Variants in AMPD3 observed in about 807,000 individuals in gnomAD.
The protein encoded by AMPD3 is adenosine monophosphate deaminase 3.
In AMPD3, 57 loss-of-function variants were observed where a neutral mutation model predicts 82.3. That is an observed-to-expected ratio of 0.69 (90% CI 0.56 to 0.86). The LOEUF (loss-of-function observed/expected upper bound fraction) is 0.86, where lower values mean the gene tolerates loss of function less well. Ranked by LOEUF, AMPD3 falls within the 40% of genes least tolerant of loss-of-function variation. The probability of loss-of-function intolerance (pLI) is 0.00; values close to 1 mark genes in which losing one functional copy is unlikely to be tolerated. For synonymous variants in AMPD3, 381 were observed against 394.7 expected, an observed-to-expected ratio of 0.97 and a Z score of 0.41; for missense variants, 870 against 1,003.8, an observed-to-expected ratio of 0.87 and a Z score of 1.80.
intron 2 of AMPD3, 32 bp from the exon 3 acceptor site, chr11:10,478,494 G>A (rs1190523610): frequency 3.1e-6 from 5 of 1,612,988 alleles, no homozygotes; most frequent in South Asian, 1.1e-5. Context: ...AGCTTCTGAT[G>A]TCTCCCACTT....
upstream of AMPD3, chr11:10,450,798 C>T (rs991664271): frequency 4.2e-6 from 5 of 1,178,456 alleles, no homozygotes; most frequent in Non-Finnish European, 5.2e-6. Flanking sequence ...CGCGGCTGGC[C>T]GGCTTCCTCC....
At chr11:10,476,465 GT>G (rs34375327) in intron 2 of AMPD3, among the ~76,000 whole-genome samples, 9 of 145,634 alleles carry the variant, frequency 6.2e-5, no homozygotes, top group Admixed American at 1.4e-4. Flanking sequence ...GGGCTGTAGT[GT>G]TTTTTTTTTT....
chr11:10,471,256 C>T (rs187143733), intron 2 of AMPD3, among the ~76,000 whole-genome samples: 289 of 151,920 alleles, frequency 1.9e-3, no homozygotes, highest in Middle Eastern at 3.4e-3. Context: ...AACTGGCTAG[C>T]CATATGCAAA....
At chr11:10,450,480 G>A, upstream of AMPD3, 1 of 985,690 alleles carries the variant, frequency 1.0e-6, no homozygotes, top group South Asian at 4.7e-5. Flanking sequence ...AGAGTCTCGC[G>A]CTGGGAAAAG....
rs1284029546 is a variant in AMPD3 at position 10,485,023 on chromosome 11, A to G, written c.793A>G (p.Ile265Val). 1 of 1,613,586 alleles carries G rather than the reference A, an allele frequency of 6.2e-7. No individual in the cohort carries two copies. The highest frequency in any genetic ancestry group is 2.2e-5 in the East Asian group (1 of 44,876). Residue 265 changes from isoleucine to valine, a missense_variant, in exon 5 of 15, where the codon ATC becomes GTC. Transcript: ENST00000396553. ...GGACATGAGCCACATCCTGGCTCTC[A>G]TCACCGATGGCCCCACGTAAGCTAG... ...TVDMSHILAL[I>V]TDGPTKTYCH...
At chr11:10,490,726 G>A (rs1849216343) in intron 6 of AMPD3, 6 of 869,414 alleles carry the variant, frequency 6.9e-6, no homozygotes, top group Non-Finnish European at 8.3e-6. Flanking sequence ...TGTGTCATTG[G>A]TAAGCCAGAG....
In AMPD3 at chr11:10,500,132, A is replaced by G; in HGVS notation, c.1604A>G (p.His535Arg). The G allele has an allele frequency of 6.2e-7, 1 of 1,614,174 alleles. No individual in the cohort carries two copies. Among genetic ancestry groups the G allele is most frequent in the Non-Finnish European group, 8.5e-7 (1 of 1,180,028 alleles). ...GATGATGAGTCCAAGCACAGCGACC[A>G]CATGTTTTCCGACAAGAGCCCAAAC... is the stretch of plus-strand genomic sequence containing the variant. Reference protein sequence around the residue: ...SVDDESKHSDHMFSDKSPNPD... With the variant: ...SVDDESKHSDRMFSDKSPNPD... Residue 535 changes from histidine (H) to arginine (R), a missense_variant, in exon 11 of 15, where the codon CAC becomes CGC. Coordinates refer to ENST00000396553, the MANE Select transcript of AMPD3 (RefSeq NM_001025389.2).
chr11:10,451,491 C>T (rs1564835101), upstream of AMPD3, among the ~76,000 whole-genome samples: 1 of 152,196 alleles, frequency 6.6e-6, no homozygotes, highest in Non-Finnish European at 1.5e-5. Flanking sequence ...GGCTCTCTCC[C>T]GGCAAGGGAG....
Position 10,492,216 on chromosome 11 carries a change from C to T in AMPD3, c.940-1133C>T, listed in dbSNP as rs114343351. On this transcript the variant is annotated intron_variant, in intron 6 of 14. Transcript: ENST00000396553. ...TGCCTTCTGCAAAAAACTGCCTTTC[C>T]CTGGAATGTGGGGAGAAGTCTAAGC... Among the ~76,000 whole-genome samples, 1,254 of 152,328 alleles carry T rather than the reference C, an allele frequency of 8.2e-3. 19 individuals are homozygous for T. Among genetic ancestry groups the T allele is most frequent in the African/African-American group, 0.028 (1,178 of 41,578 alleles).
At chr11:10,488,506 T>C (rs1398478141) in intron 6 of AMPD3, 1 of 823,594 alleles carries the variant, frequency 1.2e-6, no homozygotes, top group Non-Finnish European at 1.5e-6. Context: ...TTGACATAAC[T>C]GCAAGCAGTG....
chr11:10,456,312 C>G lies in AMPD3; in HGVS notation c.-6+864C>G. On this transcript the variant is annotated intron_variant, in intron 1 of 14. Coordinates refer to ENST00000396553, the MANE Select transcript of AMPD3 (RefSeq NM_001025389.2). The surrounding 1 kb of genome is among the most constrained non-coding windows in gnomAD (Gnocchi z 4.3). ...CCAGCCAGCTGCACGCACGCACTGA[C>G]TCAGCTGAGCCTCCTGGGTGGCAGG... The G allele has an allele frequency of 6.2e-7, 1 of 1,609,430 alleles. No homozygotes were observed. The highest frequency in any genetic ancestry group is 8.5e-7 in the Non-Finnish European group (1 of 1,176,816).
Position 10,500,266 on chromosome 11 carries a change from C to G in AMPD3, c.1721+17C>G. ...CCTCCGCAGGTGCGTGAGGCCTGCCCTCGCACATGCTTGGGTTCATGTGTT... is the reference window on the plus strand; with the variant it reads ...CCTCCGCAGGTGCGTGAGGCCTGCCGTCGCACATGCTTGGGTTCATGTGTT... On this transcript the variant is annotated intron_variant, in intron 11 of 14. Coordinates refer to ENST00000396553, the MANE Select transcript of AMPD3 (RefSeq NM_001025389.2). 3 of 1,614,060 alleles carry G rather than the reference C, an allele frequency of 1.9e-6. No homozygotes were observed. Among genetic ancestry groups the G allele is most frequent in the Non-Finnish European group, 2.5e-6 (3 of 1,179,890 alleles).
In AMPD3 at chr11:10,488,062, C is replaced by T. The variant is rs1025050598; in HGVS notation, c.939+698C>T. ...TGGGAGTTTGTGGTTTTGCATCCTT[C>T]GGGATCATGTGGATTTAAAGAAAAG... is the stretch of plus-strand genomic sequence containing the variant. On this transcript the variant is annotated intron_variant, in intron 6 of 14. Coordinates refer to ENST00000396553, the MANE Select transcript of AMPD3 (RefSeq NM_001025389.2). 2.1e-4 allele frequency among the ~76,000 whole-genome samples: 32 copies of T among 152,096 alleles called. 1 individual carries two copies. Among genetic ancestry groups the T allele is most frequent in the South Asian group, 2.1e-4 (1 of 4,828 alleles).
intron 6 of AMPD3, chr11:10,490,490 ACT>A (rs1849209120): frequency 4.1e-6 from 4 of 985,214 alleles, no homozygotes; most frequent in Non-Finnish European, 2.4e-6. Context: ...AGGTCTGGAA[ACT>A]CTGCTCTTTC....
chr11:10,463,678 G>C (rs1045384889), intron 2 of AMPD3, among the ~76,000 whole-genome samples: 1 of 152,228 alleles, frequency 6.6e-6, no homozygotes. Context: ...TGAAGCGACT[G>C]TGCTCTTCTC....
rs1848919752 is a variant in AMPD3 at position 10,481,943 on chromosome 11, C to T, written c.427-120C>T. 2.5e-6 allele frequency: 3 copies of T among 1,214,808 alleles called. No individual in the cohort carries two copies. The African/African-American group carries it at 4.5e-5, about 18-fold the overall frequency. The allele number at this position is 1,214,808 out of a possible 1,614,324, so 75.3% of individuals were successfully genotyped here. A position where few individuals can be genotyped will look rare whatever the true frequency, so the allele number is the denominator to read the frequency against. ...TTATTGGTCAAGGAGTGGTGAGAAC[C>T]CTCCTGAAATCTAGGTTCCCAGATA... On this transcript the variant is annotated intron_variant, in intron 3 of 14. Transcript: ENST00000396553.
At chr11:10,499,657 C>T in intron 10 of AMPD3, 5 of 985,400 alleles carry the variant, frequency 5.1e-6, no homozygotes, top group Non-Finnish European at 6.0e-6. Context: ...TTGAGCAGGG[C>T]TTGATGAGTG....
rs142422053 is a variant in AMPD3, at chr11:10,456,177, A to G, written c.-6+729A>G. On this transcript the variant is annotated intron_variant, in intron 1 of 14. Transcript: ENST00000396553. The surrounding 1 kb of genome is among the most constrained non-coding windows in gnomAD (Gnocchi z 4.3). ...CAGGGCTCTTGGAAATTTTCCACTC[A>G]TATTTCATATTCACGAGAGAATTTC... The G allele has an allele frequency of 3.6e-5, 50 of 1,408,278 alleles. No individual in the cohort carries two copies. In the East Asian group the frequency reaches 1.1e-3, roughly 30 times the overall value. The allele number at this position is 1,408,278 out of a possible 1,614,324, so 87.2% of individuals were successfully genotyped here. A position where few individuals can be genotyped will look rare whatever the true frequency, so the allele number is the denominator to read the frequency against.
intron 10 of AMPD3, chr11:10,497,884 T>C: frequency 2.1e-6 from 2 of 971,922 alleles, no homozygotes; most frequent in South Asian, 4.8e-5. Context: ...ACTATCACCA[T>C]TTTGTTGTTA....
Sources: gnomAD v4.1 joint callset for allele counts (sites outside exome capture counted in the v4.1 genomes callset) on GRCh38, gnomAD v4.1.1 for gene constraint, Gnocchi (gnomAD v3.1) non-coding constraint, MANE v1.5 for transcripts, NCBI Gene and HGNC (gene_info 2026-07-23, HGNC 2026-07-21) for gene names.